Variants in ABHD6 observed in about 807,000 individuals in gnomAD.
ABHD6 encodes the protein monoacylglycerol lipase ABHD6.
Under a neutral mutation model 38.8 loss-of-function variants are expected in ABHD6, and 33 were observed. The ratio of observed to expected loss-of-function variants is 0.85; its 90% CI spans 0.64 to 1.14. The LOEUF (loss-of-function observed/expected upper bound fraction) is 1.14. Among genes scored for constraint, ABHD6 ranks in the 50% most tolerant of loss-of-function variants. ABHD6 has a pLI of 0.00. For missense variants in ABHD6, 380 were observed against 422.6 expected (o/e 0.90, Z 0.88); for synonymous variants, 147 against 161.6 (o/e 0.91, Z 0.69).
At chr3:58,264,742 T>C (rs1213845283) in intron 3 of ABHD6, among the ~76,000 whole-genome samples, 1 of 152,146 alleles carries the variant, frequency 6.6e-6, no homozygotes, top group African/African-American at 2.4e-5. Flanking sequence ...AGGGTGTTCA[T>C]ATTTTTTCTT....
intron 1 of ABHD6, among the ~76,000 whole-genome samples, chr3:58,239,105 C>T (rs1050396202): frequency 6.6e-6 from 1 of 151,886 alleles, no homozygotes; most frequent in Non-Finnish European, 1.5e-5. Context: ...CTCAGAACCA[C>T]CCCCTTCCCC....
chr3:58,265,817 G>A lies in ABHD6; in HGVS notation c.120-1372G>A, dbSNP rs2097440521. On this transcript the variant is annotated intron_variant, in intron 3 of 9. Coordinates refer to ENST00000478253, the MANE Select transcript of ABHD6 (RefSeq NM_001320126.2). The surrounding 1 kb of genome is among the most constrained non-coding windows in gnomAD (Gnocchi z 4.2). ...TAGAAGGACAAGAGACTATAAGAGT[G>A]AGCCAGAAGCAAGAGGGGACCAGAC... Among the ~76,000 whole-genome samples, 1 of 152,222 alleles carries A rather than the reference G, an allele frequency of 6.6e-6. No homozygotes were observed. The highest frequency in any genetic ancestry group is 1.5e-5 in the Non-Finnish European group (1 of 68,048).
At position 58,291,400 on chromosome 3, in the gene ABHD6, G is replaced by A. The variant is rs1050657743; in HGVS notation, c.838-2189G>A. Reference sequence around the variant, plus strand: ...AGGGAGAGGGAGACCGTGGGGAGAGGGAGAGGGAGAGGGAGAGGGAGAGCA... The same window carrying A: ...AGGGAGAGGGAGACCGTGGGGAGAGAGAGAGGGAGAGGGAGAGGGAGAGCA... On this transcript the variant is annotated intron_variant, in intron 9 of 9. Transcript: ENST00000478253. Among the ~76,000 whole-genome samples, 11 of 151,928 alleles carry A rather than the reference G, an allele frequency of 7.2e-5. No homozygotes were observed. The East Asian group carries it at 2.1e-3, about 29-fold the overall frequency.
At chr3:58,292,887 G>C (rs1006572194) in intron 9 of ABHD6, among the ~76,000 whole-genome samples, 1 of 152,286 alleles carries the variant, frequency 6.6e-6, no homozygotes, top group East Asian at 1.9e-4. Context: ...CTTCATTCCA[G>C]CCTGGGCGAA....
At chr3:58,248,103 T>A (rs919445310) in intron 1 of ABHD6, among the ~76,000 whole-genome samples, 8 of 152,240 alleles carry the variant, frequency 5.3e-5, no homozygotes, top group Non-Finnish European at 1.0e-4. Context: ...TGTTAGGGTA[T>A]TACTCTTATC....
chr3:58,250,399 G>A lies in ABHD6; in HGVS notation c.-26+457G>A, dbSNP rs145292392. Among the ~76,000 whole-genome samples, 28 of 152,316 alleles carry A rather than the reference G, an allele frequency of 1.8e-4. No individual in the cohort carries two copies. In the East Asian group the frequency reaches 5.4e-3, roughly 29 times the overall value. On this transcript the variant is annotated intron_variant, in intron 2 of 9. Coordinates refer to ENST00000478253, the MANE Select transcript of ABHD6 (RefSeq NM_001320126.2). ...AGTGCAGGCAAAGACGTGGGAGTCAGGACTGGGAAGTTGAGCTGGGACTAC... is the reference window on the plus strand; with the variant it reads ...AGTGCAGGCAAAGACGTGGGAGTCAAGACTGGGAAGTTGAGCTGGGACTAC...
intron 1 of ABHD6, among the ~76,000 whole-genome samples, chr3:58,240,246 A>T (rs537618044): frequency 3.7e-4 from 56 of 149,988 alleles, no homozygotes; most frequent in African/African-American, 1.1e-3. Flanking sequence ...CTTTAAAAAA[A>T]TTTTTTTTTT....
At chr3:58,283,211 G>T (rs896120533) in intron 7 of ABHD6, among the ~76,000 whole-genome samples, 15 of 152,166 alleles carry the variant, frequency 9.9e-5, no homozygotes, top group African/African-American at 3.6e-4. Flanking sequence ...TCCCTTTTTA[G>T]CCATGAAGTA....
intron 7 of ABHD6, among the ~76,000 whole-genome samples, chr3:58,278,120 A>G (rs7431936): frequency 0.093 from 14,212 of 152,232 alleles, 779 homozygotes; most frequent in African/African-American, 0.13. Flanking sequence ...CAGGCCTCAT[A>G]AAATGAGTTA....
intron 3 of ABHD6, among the ~76,000 whole-genome samples, chr3:58,262,313 G>A (rs1443453874): frequency 1.3e-5 from 2 of 152,204 alleles, no homozygotes; most frequent in East Asian, 3.8e-4. Context: ...AATGGTAAAT[G>A]TTTATGTTAT....
Position 58,265,538 on chromosome 3 carries a change from A to G in ABHD6, c.120-1651A>G, listed in dbSNP as rs369563875. The stretch of plus-strand genomic sequence containing the variant: ...TTACCATTTGCTGGGCATTGAACAA[A>G]ACTTTGTACATGGATTACCTCATCA... On this transcript the variant is annotated intron_variant, in intron 3 of 9. Transcript: ENST00000478253. This position sits in a 1 kb window ranked among gnomAD's most constrained non-coding sequence, Gnocchi z 4.2. Among the ~76,000 whole-genome samples the G allele has an allele frequency of 2.8e-4, 42 of 152,328 alleles. No homozygotes were observed. In the South Asian group the frequency reaches 3.7e-3, roughly 14 times the overall value.
chr3:58,271,226 C>A (rs1055375247), intron 6 of ABHD6, among the ~76,000 whole-genome samples, 162 bp downstream of exon 6: 3 of 151,988 alleles, frequency 2.0e-5, no homozygotes, highest in Admixed American at 1.3e-4. Flanking sequence ...GTTATATAAT[C>A]ATAATCATAA....
intron 7 of ABHD6, 27 bp downstream of exon 7, chr3:58,274,842 C>T (rs374455176): frequency 1.5e-4 from 239 of 1,608,010 alleles, no homozygotes; most frequent in Non-Finnish European, 1.9e-4. Context: ...AGCGACACAA[C>T]TACCCTCCCC....
intron 1 of ABHD6, among the ~76,000 whole-genome samples, chr3:58,240,823 C>T (rs1361134540): frequency 2.0e-5 from 3 of 151,376 alleles, no homozygotes; most frequent in African/African-American, 4.9e-5. Flanking sequence ...CTCCGCCTCC[C>T]GGGTTCAAGC....
chr3:58,293,883 G>A lies in ABHD6; in HGVS notation c.*118G>A, dbSNP rs2097465341. 8.5e-7 allele frequency: 1 copy of A among 1,177,538 alleles called. No homozygotes were observed. Among genetic ancestry groups the A allele is most frequent in the Non-Finnish European group, 1.2e-6 (1 of 850,052 alleles). 72.9% of individuals were successfully genotyped at this position (1,177,538 alleles called of 1,614,324 possible). ...GCGGTCGGAGCGCCAGTGACCCTGA[G>A]GAAGCCCGTCCCTTATCCCTGGTAT... On this transcript the variant is annotated 3_prime_UTR_variant, in exon 10 of 10. Transcript: ENST00000478253. This position sits in a 1 kb window ranked among gnomAD's most constrained non-coding sequence, Gnocchi z 4.4.
intron 7 of ABHD6, 128 bp from the exon 8 acceptor site, chr3:58,284,957 C>G (rs2097455862): frequency 6.4e-6 from 5 of 786,756 alleles, no homozygotes; most frequent in Non-Finnish European, 8.7e-6. Flanking sequence ...TTCAGAGGAC[C>G]AGGCTCTAAA....
intron 6 of ABHD6, among the ~76,000 whole-genome samples, chr3:58,271,569 C>G (rs978299716): frequency 6.6e-6 from 1 of 151,738 alleles, no homozygotes; most frequent in African/African-American, 2.4e-5. Flanking sequence ...ATAATAAGAT[C>G]TTAAAAAAAA....
intron 3 of ABHD6, among the ~76,000 whole-genome samples, chr3:58,261,585 C>T (rs973512978): frequency 2.6e-5 from 4 of 152,106 alleles, no homozygotes; most frequent in Non-Finnish European, 5.9e-5. Flanking sequence ...TGGGCTCAAG[C>T]GATCCACCCA....
intron 1 of ABHD6, among the ~76,000 whole-genome samples, chr3:58,247,660 TCCA>T (rs1436469161): frequency 1.3e-5 from 2 of 152,266 alleles, no homozygotes; most frequent in African/African-American, 4.8e-5. Context: ...CATTGCAACC[TCCA>T]CCTCGCGGTC....
Sources: allele counts gnomAD v4.1 joint callset (sites outside exome capture counted in the v4.1 genomes callset), GRCh38; gene constraint gnomAD v4.1.1; non-coding constraint Gnocchi (gnomAD v3.1); transcripts MANE v1.5; gene names NCBI Gene and HGNC (gene_info 2026-07-23, HGNC 2026-07-21).